Variants in PARVA observed in about 807,000 individuals in gnomAD.
PARVA encodes the protein parvin alpha, also known as alpha-parvin.
In PARVA, 25 loss-of-function variants were observed where a neutral mutation model predicts 52.6. The ratio of observed to expected loss-of-function variants is 0.48; its 90% CI spans 0.35 to 0.66. The LOEUF is 0.66. Among genes scored for constraint, PARVA ranks in the 30% least tolerant of loss-of-function variants. PARVA has a pLI of 0.01. For synonymous variants in PARVA, 185 were observed against 179.1 expected, an observed-to-expected ratio of 1.03 and a Z score of -0.26; for missense variants, 373 against 450.9, an observed-to-expected ratio of 0.83 and a Z score of 1.56.
chr11:12,387,807 G>A (rs143933338), intron 1 of PARVA, among the ~76,000 whole-genome samples: 2,411 of 151,998 alleles, frequency 0.016, 94 homozygotes, highest in Admixed American at 0.083. Flanking sequence ...TGTGAAGGCC[G>A]GTTGACTTCT....
At chr11:12,414,411 C>G (rs1456667570) in intron 1 of PARVA, among the ~76,000 whole-genome samples, 4 of 152,200 alleles carry the variant, frequency 2.6e-5, no homozygotes, top group Non-Finnish European at 2.9e-5. Flanking sequence ...GAAATGCCTT[C>G]GCTTTTGCTT....
chr11:12,390,271 C>T (rs550116226), intron 1 of PARVA, among the ~76,000 whole-genome samples: 4 of 152,186 alleles, frequency 2.6e-5, no homozygotes, highest in African/African-American at 7.2e-5. Context: ...TGGTTTTGGC[C>T]GTGCGATGTG....
intron 1 of PARVA, among the ~76,000 whole-genome samples, chr11:12,383,727 C>T (rs1450813666): frequency 6.6e-6 from 1 of 152,052 alleles, no homozygotes; most frequent in Non-Finnish European, 1.5e-5. Flanking sequence ...AACTCCTGGG[C>T]ATATCTAACT....
chr11:12,403,842 C>A (rs943793948), intron 1 of PARVA, among the ~76,000 whole-genome samples: 1 of 152,228 alleles, frequency 6.6e-6, no homozygotes, highest in Admixed American at 6.5e-5. Context: ...CACCTTGCAC[C>A]TTGCACTTTT....
intron 1 of PARVA, among the ~76,000 whole-genome samples, chr11:12,391,921 A>G (rs888380414): frequency 2.6e-5 from 4 of 152,116 alleles, no homozygotes; most frequent in Non-Finnish European, 5.9e-5. Flanking sequence ...GGTCTTTAGT[A>G]TATTCATAGT....
rs1241118651 is a variant in PARVA at position 12,377,628 on chromosome 11, G to A, written c.-20G>A. ...GCCAGCTCCGCGTCCCGACCGGCCC[G>A]CGGCAGCCTGCGCCGCGCCATGGCC... On this transcript the variant is annotated 5_prime_UTR_variant, in exon 1 of 13. Coordinates refer to ENST00000334956, the MANE Select transcript of PARVA (RefSeq NM_018222.5). 1.3e-6 allele frequency: 2 copies of A among 1,563,726 alleles called. No homozygotes were observed. The highest frequency in any genetic ancestry group is 1.7e-6 in the Non-Finnish European group (2 of 1,161,060).
intron 5 of PARVA, among the ~76,000 whole-genome samples, chr11:12,503,432 G>C (rs1941387174): frequency 6.6e-6 from 1 of 152,136 alleles, no homozygotes; most frequent in African/African-American, 2.4e-5. Flanking sequence ...AGTGGGCAGG[G>C]ACATGGGACC....
intron 1 of PARVA, among the ~76,000 whole-genome samples, chr11:12,466,742 G>C (rs1940859164): frequency 6.6e-6 from 1 of 151,826 alleles, no homozygotes; most frequent in Non-Finnish European, 1.5e-5. Flanking sequence ...AAGTTTTATA[G>C]TATTGTGTTT....
intron 8 of PARVA, 43 bp downstream of exon 8, chr11:12,511,576 G>A: frequency 6.2e-7 from 1 of 1,605,334 alleles, no homozygotes; most frequent in Middle Eastern, 1.7e-4. Flanking sequence ...TGGCTGCACT[G>A]GGGCTTTAGT....
chr11:12,402,160 C>G (rs1327130013), intron 1 of PARVA, among the ~76,000 whole-genome samples: 1 of 151,952 alleles, frequency 6.6e-6, no homozygotes, highest in African/African-American at 2.4e-5. Flanking sequence ...GGCGAAGTGC[C>G]CCAAGGCAAC....
chr11:12,473,003 C>G (rs1940953898), intron 1 of PARVA, among the ~76,000 whole-genome samples: 4 of 152,080 alleles, frequency 2.6e-5, no homozygotes. Flanking sequence ...TTTTGTTTTT[C>G]TTTCTGAGGA....
At chr11:12,421,872 A>G (rs1396318922) in intron 1 of PARVA, among the ~76,000 whole-genome samples, 1 of 152,244 alleles carries the variant, frequency 6.6e-6, no homozygotes, top group Non-Finnish European at 1.5e-5. Flanking sequence ...AGTTAAACTA[A>G]GTTCTAGAAA....
intron 1 of PARVA, among the ~76,000 whole-genome samples, chr11:12,441,600 CAT>C (rs900424847): frequency 3.6e-4 from 54 of 152,066 alleles, no homozygotes; most frequent in African/African-American, 1.2e-3. Context: ...AGAAATTCCA[CAT>C]AGACGGGAAT....
At chr11:12,421,917 G>T (rs1470113625) in intron 1 of PARVA, among the ~76,000 whole-genome samples, 2 of 152,200 alleles carry the variant, frequency 1.3e-5, no homozygotes, top group African/African-American at 4.8e-5. Context: ...ATTCTTGATT[G>T]AGTAGTTCAA....
At chr11:12,427,529 T>C (rs1001717837) in intron 1 of PARVA, among the ~76,000 whole-genome samples, 4 of 152,254 alleles carry the variant, frequency 2.6e-5, no homozygotes, top group African/African-American at 9.6e-5. Context: ...GGTTAAATTA[T>C]GGACAGCCTT....
At chr11:12,398,023 C>G (rs1236509008) in intron 1 of PARVA, among the ~76,000 whole-genome samples, 1 of 152,178 alleles carries the variant, frequency 6.6e-6, no homozygotes, top group African/African-American at 2.4e-5. Context: ...AGGCCCAGAA[C>G]AGCTGGGCCC....
intron 1 of PARVA, among the ~76,000 whole-genome samples, chr11:12,455,323 C>T (rs1420502904): frequency 6.6e-6 from 1 of 152,136 alleles, no homozygotes; most frequent in Non-Finnish European, 1.5e-5. Flanking sequence ...GCCAGAGATA[C>T]ATTTCGATTT....
In PARVA at chr11:12,463,046, T is replaced by C. The variant is rs143010387; in HGVS notation, c.137-10699T>C. Among the ~76,000 whole-genome samples, 95 of 150,510 alleles carry C rather than the reference T, an allele frequency of 6.3e-4. 1 individual carries two copies. In the East Asian group the frequency reaches 0.018, roughly 28 times the overall value. On this transcript the variant is annotated intron_variant, in intron 1 of 12. Coordinates refer to ENST00000334956, the MANE Select transcript of PARVA (RefSeq NM_018222.5). ...ACCCTTCATGAACACTATATATTTTTAGGATAGTTTTAGATCTACCAAAAA... is the reference window on the plus strand; with the variant it reads ...ACCCTTCATGAACACTATATATTTTCAGGATAGTTTTAGATCTACCAAAAA...
Position 12,534,543 on chromosome 11 carries a change from C to G in PARVA, c.*6618C>G, listed in dbSNP as rs1444978378. 6.6e-6 allele frequency among the ~76,000 whole-genome samples: 1 copy of G among 152,202 alleles called. No homozygotes were observed. On this transcript the variant is annotated 3_prime_UTR_variant, in exon 13 of 13. Coordinates refer to ENST00000334956, the MANE Select transcript of PARVA (RefSeq NM_018222.5). ...AATGATGTTTTATCAATGAAGCAGA[C>G]TTTTCATTTCTTTTTATTGATCTTC... is the stretch of plus-strand genomic sequence containing the variant.
Sources: allele counts gnomAD v4.1 joint callset (sites outside exome capture counted in the v4.1 genomes callset), GRCh38; gene constraint gnomAD v4.1.1; transcripts MANE v1.5; gene names NCBI Gene and HGNC (gene_info 2026-07-23, HGNC 2026-07-21).